The following CDHR3 variants were observed in gnomAD, a reference collection of about 807,000 sequenced individuals.
The protein encoded by CDHR3 is cadherin-related family member 3.
A neutral mutation model predicts 86.6 loss-of-function variants in CDHR3; 79 were observed. The ratio of observed to expected loss-of-function variants is 0.91; its 90% CI spans 0.76 to 1.10. CDHR3 has a LOEUF of 1.10. CDHR3 is among the 50% of genes least tolerant of loss of function. The pLI is 0.00. For synonymous variants in CDHR3, 421 were observed against 402.4 expected, an observed-to-expected ratio of 1.05 and a Z score of -0.55; for missense variants, 1,081 against 1,077.6, an observed-to-expected ratio of 1.00 and a Z score of -0.04.
At chr7:105,990,629 T>C (rs1831212578) in intron 4 of CDHR3, among the ~76,000 whole-genome samples, 1 of 152,172 alleles carries the variant, frequency 6.6e-6, no homozygotes, top group Non-Finnish European at 1.5e-5. Context: ...GTGGGCCGAA[T>C]AAGGGTCTTT....
At chr7:106,025,002 C>T (rs182726912) in intron 15 of CDHR3, among the ~76,000 whole-genome samples, 3 of 152,274 alleles carry the variant, frequency 2.0e-5, no homozygotes, top group East Asian at 1.9e-4. Context: ...GTGACTCAGC[C>T]GGGTTTTTGT....
At chr7:105,964,276 T>G (rs2727755) in intron 1 of CDHR3, among the ~76,000 whole-genome samples, 41,584 of 151,972 alleles carry the variant, frequency 0.27, 6,303 homozygotes, top group East Asian at 0.68. Context: ...TTTTTTACAT[T>G]TGTAAATGGA....
intron 4 of CDHR3, among the ~76,000 whole-genome samples, chr7:105,994,057 T>C (rs1831805688): frequency 6.6e-6 from 1 of 152,230 alleles, no homozygotes; most frequent in Admixed American, 6.5e-5. Flanking sequence ...CAACCTGGAC[T>C]GTAAGCCCTG....
chr7:106,005,667 C>A (rs181882704), intron 8 of CDHR3, among the ~76,000 whole-genome samples: 2 of 152,280 alleles, frequency 1.3e-5, no homozygotes, highest in Admixed American at 1.3e-4. Flanking sequence ...TGGACATAGA[C>A]CCAATACATG....
intron 2 of CDHR3, among the ~76,000 whole-genome samples, chr7:105,980,591 TTTTTTTTTTTTTTTAA>T (rs1352991675): frequency 5.8e-4 from 57 of 97,690 alleles, no homozygotes; most frequent in African/African-American, 1.9e-3. Context: ...GAAGGTTTTT[TTTTTTTTTTTTTTTAA>T]TTTTTTTTTT....
chr7:106,024,940 G>A (rs1052487529), intron 15 of CDHR3, among the ~76,000 whole-genome samples: 16 of 152,170 alleles, frequency 1.1e-4, no homozygotes, highest in African/African-American at 3.4e-4. Flanking sequence ...AGGATAGTAT[G>A]GAATTAAGGC....
At chr7:105,995,762 C>G (rs536272021) in intron 5 of CDHR3, among the ~76,000 whole-genome samples, 1 of 152,200 alleles carries the variant, frequency 6.6e-6, no homozygotes, top group South Asian at 2.1e-4. Flanking sequence ...TACAAGATTT[C>G]TCAGACCCCA....
chr7:106,007,301 C>T (rs1317076713), intron 8 of CDHR3, among the ~76,000 whole-genome samples: 1 of 152,238 alleles, frequency 6.6e-6, no homozygotes, highest in African/African-American at 2.4e-5. Context: ...TGGTGATTAA[C>T]ATTCAGCTCC....
chr7:105,983,297 T>C (rs1830043180), intron 3 of CDHR3, among the ~76,000 whole-genome samples: 1 of 152,180 alleles, frequency 6.6e-6, no homozygotes, highest in Non-Finnish European at 1.5e-5. Context: ...AAAAAGTGAA[T>C]GAAAGCTCAA....
chr7:106,035,237 T>C lies in CDHR3; in HGVS notation c.*2540T>C, dbSNP rs1290296968. On this transcript the variant is annotated 3_prime_UTR_variant, in exon 19 of 19. Coordinates refer to ENST00000317716, the MANE Select transcript of CDHR3 (RefSeq NM_152750.5). ...GGGACTTCCTGAAGCCTGGGGCCTC[T>C]CTGAAGAGCTCAGTGTCTTCTCTGG... 2.0e-5 allele frequency among the ~76,000 whole-genome samples: 3 copies of C among 152,178 alleles called. No homozygotes were observed. The highest frequency in any genetic ancestry group is 4.8e-5 in the African/African-American group (2 of 41,450).
intron 1 of CDHR3, among the ~76,000 whole-genome samples, chr7:105,974,421 G>A (rs867015444): frequency 1.3e-5 from 2 of 152,166 alleles, no homozygotes; most frequent in Non-Finnish European, 2.9e-5. Flanking sequence ...GATTGCTGAC[G>A]CAGAGAAGGA....
intron 6 of CDHR3, among the ~76,000 whole-genome samples, chr7:105,998,529 C>T (rs894032868): frequency 8.5e-5 from 13 of 152,168 alleles, no homozygotes; most frequent in Non-Finnish European, 1.2e-4. Flanking sequence ...CAGTGGCTCA[C>T]GCCTGTAATC....
At chr7:106,015,062 A>G (rs769209047) in intron 9 of CDHR3, 49 bp from the exon 10 acceptor site, 34 of 1,451,216 alleles carry the variant, frequency 2.3e-5, no homozygotes, top group Non-Finnish European at 1.5e-5. Context: ...GCAGCCCAAT[A>G]AATAGGATTG....
intron 6 of CDHR3, among the ~76,000 whole-genome samples, chr7:105,996,779 A>G (rs532774529): frequency 1.3e-5 from 2 of 152,100 alleles, no homozygotes; most frequent in African/African-American, 4.8e-5. Context: ...GGCTATTTTC[A>G]CGGTGCCTGC....
intron 12 of CDHR3, among the ~76,000 whole-genome samples, 152 bp from the exon 13 acceptor site, chr7:106,020,221 C>G (rs1260747158): frequency 6.6e-6 from 1 of 152,194 alleles, no homozygotes; most frequent in African/African-American, 2.4e-5. Flanking sequence ...CTTCCATTTT[C>G]TCACCATAAA....
Position 106,017,868 on chromosome 7 carries a change from G to A in CDHR3, c.1449G>A (p.Val483=), listed in dbSNP as rs760238171. ...CAGCCAGAACCCGAGTGGGACAGGT[G>A]CGAGCCACTGATAAAGACCTCCCCC... The part of the protein sequence containing the change: ...RRPARTRVGQ[V]RATDKDLPQS... The change falls in exon 12 of 19, where the codon GTG becomes GTA. Residue 483 remains valine (V), a synonymous_variant. Transcript: ENST00000317716. The A allele has an allele frequency of 1.3e-6, 2 of 1,588,408 alleles. No individual in the cohort carries two copies. The highest frequency in any genetic ancestry group is 1.7e-6 in the Non-Finnish European group (2 of 1,167,676).
At position 105,963,948 on chromosome 7, in the gene CDHR3, A is replaced by C. The variant is rs532713660; in HGVS notation, c.46+584A>C. On this transcript the variant is annotated intron_variant, in intron 1 of 18. Transcript: ENST00000317716. Reference sequence around the variant, plus strand: ...TGGATTATTGAAATTGAGATTTTAAAATTAAATTTTATTTCTGAATAGGTA... The same window carrying C: ...TGGATTATTGAAATTGAGATTTTAACATTAAATTTTATTTCTGAATAGGTA... Among the ~76,000 whole-genome samples the C allele has an allele frequency of 2.1e-3, 327 of 152,316 alleles. 1 individual carries two copies. The highest frequency in any genetic ancestry group is 7.6e-3 in the African/African-American group (317 of 41,570).
At chr7:106,027,032 T>G (rs1837458312) in intron 16 of CDHR3, among the ~76,000 whole-genome samples, 1 of 152,208 alleles carries the variant, frequency 6.6e-6, no homozygotes, top group Non-Finnish European at 1.5e-5. Flanking sequence ...AGACAGGACC[T>G]GCTTACTGCA....
Position 106,024,377 on chromosome 7 carries a change from C to T in CDHR3, c.2077-4C>T, listed in dbSNP as rs377434829. ...CTCACCCTCCCTGCTCTCTGTTGTT[C>T]AAGCCCAGGGTCACCTATCAGGTCC... is the stretch of plus-strand genomic sequence containing the variant. On this transcript the variant is annotated splice_region_variant and splice_polypyrimidine_tract_variant and intron_variant, in intron 14 of 18. Transcript: ENST00000317716. 1.8e-5 allele frequency: 29 copies of T among 1,613,476 alleles called. No individual in the cohort carries two copies. Among genetic ancestry groups the T allele is most frequent in the Non-Finnish European group, 2.3e-5 (27 of 1,179,604 alleles).
Sources: allele counts gnomAD v4.1 joint callset (sites outside exome capture counted in the v4.1 genomes callset), GRCh38; gene constraint gnomAD v4.1.1; transcripts MANE v1.5; gene names NCBI Gene and HGNC (gene_info 2026-07-23, HGNC 2026-07-21).